Variants in USP32 observed in about 807,000 individuals in gnomAD.
USP32 encodes ubiquitin specific peptidase 32, also known as ubiquitin carboxyl-terminal hydrolase 32.
A neutral mutation model predicts 204.8 loss-of-function variants in USP32; 59 were observed. The ratio of observed to expected loss-of-function variants is 0.29; its 90% confidence interval spans 0.23 to 0.36. The LOEUF (loss-of-function observed/expected upper bound fraction) is 0.36, where lower values mean the gene tolerates loss of function less well. Among genes scored for constraint, USP32 ranks in the 10% least tolerant of loss-of-function variants. USP32 has a pLI of 1.00. For missense variants in USP32, 1,160 were observed against 1,946.4 expected, an observed-to-expected ratio of 0.60 and a Z score of 7.60; for synonymous variants, 517 against 678.4, an observed-to-expected ratio of 0.76 and a Z score of 3.70.
chr17:60,350,009 G>GT (rs2088911871), intron 1 of USP32, among the ~76,000 whole-genome samples: 1 of 150,584 alleles, frequency 6.6e-6, no homozygotes, highest in Non-Finnish European at 1.5e-5. Flanking sequence ...GTTGTTGTTG[G>GT]TTTTTGTTTT....
chr17:60,232,177 T>C (rs1428067063), intron 12 of USP32, among the ~76,000 whole-genome samples: 1 of 142,854 alleles, frequency 7.0e-6, no homozygotes, highest in East Asian at 2.0e-4. Context: ...TCTTTTTTTT[T>C]TTTTTTTTTT....
At chr17:60,411,801 T>C (rs1200717225) in intron 1 of USP32, among the ~76,000 whole-genome samples, 4 of 152,142 alleles carry the variant, frequency 2.6e-5, no homozygotes, top group African/African-American at 9.7e-5. Flanking sequence ...ATTTATGTTG[T>C]AGTATATATG....
intron 1 of USP32, 45 bp from the exon 2 acceptor site, chr17:60,345,653 A>G: frequency 6.2e-7 from 1 of 1,611,940 alleles, no homozygotes; most frequent in East Asian, 2.2e-5. Flanking sequence ...AGGAGAGAAA[A>G]GAGGTGTCTC....
Position 60,229,280 on chromosome 17 carries a change from C to T in USP32, c.1240-3049G>A, listed in dbSNP as rs191207588. On this transcript the variant is annotated intron_variant, in intron 12 of 33. Coordinates refer to ENST00000300896, the MANE Select transcript of USP32 (RefSeq NM_032582.4). ...GTCTCAAACTCCTGGAGGATCCAAA[C>T]AATCCTCCTGCCTTGGCCTCCCAAA... Among the ~76,000 whole-genome samples the T allele has an allele frequency of 1.4e-3, 218 of 152,192 alleles. 1 individual carries two copies. The highest frequency in any genetic ancestry group is 4.8e-3 in the African/African-American group (200 of 41,520).
chr17:60,255,349 GTGC>G (rs2086273154), intron 9 of USP32, 91 bp from the exon 10 acceptor site: 1 of 982,748 alleles, frequency 1.0e-6, no homozygotes, highest in African/African-American at 1.7e-5. Flanking sequence ...CTGGGCTGGA[GTGC>G]AATGGCACGA....
At chr17:60,236,262 A>T (rs1446422247) in intron 11 of USP32, 22 bp from the exon 12 acceptor site, 1 of 1,591,896 alleles carries the variant, frequency 6.3e-7, no homozygotes, top group Non-Finnish European at 8.6e-7. Context: ...AAAGAAATTA[A>T]ATACATCAAA....
chr17:60,213,768 A>G, intron 17 of USP32, 106 bp from the exon 18 acceptor site: 1 of 1,315,630 alleles, frequency 7.6e-7, no homozygotes, highest in South Asian at 1.5e-5. Flanking sequence ...TTGTAGTTAT[A>G]TAACATATCA....
At chr17:60,414,675 C>A (rs938179471) in intron 1 of USP32, among the ~76,000 whole-genome samples, 6 of 152,020 alleles carry the variant, frequency 3.9e-5, no homozygotes, top group South Asian at 2.1e-4. Context: ...GAGATCCACC[C>A]GCCTTGGCCT....
At chr17:60,397,047 G>T (rs1438726496), upstream of USP32, among the ~76,000 whole-genome samples, 2 of 152,156 alleles carry the variant, frequency 1.3e-5, no homozygotes, top group African/African-American at 4.8e-5. Flanking sequence ...TTCTTCCCAT[G>T]TGGCAGCTGG....
intron 12 of USP32, among the ~76,000 whole-genome samples, chr17:60,232,344 T>C (rs989262890): frequency 2.0e-5 from 3 of 151,348 alleles, no homozygotes; most frequent in Admixed American, 2.0e-4. Flanking sequence ...GGCTAATTTT[T>C]ATATTTTTAG....
At position 60,201,528 on chromosome 17, in the gene USP32, C is replaced by A. The variant is rs189380073; in HGVS notation, c.3250-3084G>T. Among the ~76,000 whole-genome samples, 7 of 152,132 alleles carry A rather than the reference C, an allele frequency of 4.6e-5. No homozygotes were observed. The East Asian group carries it at 7.7e-4, about 17-fold the overall frequency. ...TAAAGTTAATTTATATTCTCATCAG[C>A]ATGGTATGAGAGTTCCTGTTGCTCT... On this transcript the variant is annotated intron_variant, in intron 26 of 33. Coordinates refer to ENST00000300896, the MANE Select transcript of USP32 (RefSeq NM_032582.4).
At chr17:60,264,007 C>T (rs559442178) in intron 9 of USP32, among the ~76,000 whole-genome samples, 2 of 152,144 alleles carry the variant, frequency 1.3e-5, no homozygotes, top group African/African-American at 4.8e-5. Context: ...GTGTCTCATA[C>T]AGGTAATTTA....
At chr17:60,404,931 C>T (rs1459844766) in intron 1 of USP32, among the ~76,000 whole-genome samples, 1 of 152,156 alleles carries the variant, frequency 6.6e-6, no homozygotes, top group Admixed American at 6.5e-5. Flanking sequence ...AATCCCAGCA[C>T]TTTGGGAGGC....
chr17:60,398,831 A>G (rs754766267), intron 1 of USP32, among the ~76,000 whole-genome samples: 2 of 152,034 alleles, frequency 1.3e-5, no homozygotes, highest in African/African-American at 4.8e-5. Context: ...AAAAAATTTA[A>G]TTAGCTGGGT....
At chr17:60,251,692 T>C (rs1384066845) in intron 11 of USP32, among the ~76,000 whole-genome samples, 2 of 152,200 alleles carry the variant, frequency 1.3e-5, no homozygotes. Context: ...TACCTTTGTT[T>C]TTTAAATATA....
At chr17:60,204,710 C>G (rs1213875989) in intron 26 of USP32, among the ~76,000 whole-genome samples, 3 of 152,170 alleles carry the variant, frequency 2.0e-5, no homozygotes, top group African/African-American at 4.8e-5. Flanking sequence ...TTCAGGTGAT[C>G]CCCCTGCTTC....
At chr17:60,256,582 T>G (rs1307645544) in intron 9 of USP32, 2 of 639,624 alleles carry the variant, frequency 3.1e-6, no homozygotes, top group African/African-American at 2.0e-5. Flanking sequence ...CATGTCTGCA[T>G]GAATTTTCTC....
intron 1 of USP32, among the ~76,000 whole-genome samples, chr17:60,350,351 T>C (rs2088920624): frequency 6.6e-6 from 1 of 152,142 alleles, no homozygotes; most frequent in Non-Finnish European, 1.5e-5. Context: ...TGCAGTGGCA[T>C]GATCTTGGCT....
intron 16 of USP32, among the ~76,000 whole-genome samples, chr17:60,217,140 C>T (rs908928383): frequency 6.6e-6 from 1 of 152,164 alleles, no homozygotes; most frequent in African/African-American, 2.4e-5. Flanking sequence ...GCTCATTAAG[C>T]AGGCAGCCAC....
Sources: gnomAD v4.1 joint callset for allele counts (sites outside exome capture counted in the v4.1 genomes callset) on GRCh38, gnomAD v4.1.1 for gene constraint, MANE v1.5 for transcripts, NCBI Gene and HGNC (gene_info 2026-07-23, HGNC 2026-07-21) for gene names.